FBXL13: variants seen among roughly 807,000 people sequenced by gnomAD.
The protein encoded by FBXL13 is F-box and leucine rich repeat protein 13.
FBXL13 carries 67 observed loss-of-function variants against 83.6 expected under a neutral mutation model. The ratio of observed to expected loss-of-function variants is 0.80; its 90% CI spans 0.66 to 0.98. The LOEUF is 0.98. FBXL13 is among the 50% of genes least tolerant of loss of function. The probability of loss-of-function intolerance (pLI) is 0.00; values close to 1 mark genes in which losing one functional copy is unlikely to be tolerated. For missense variants in FBXL13, 822 were observed against 866.5 expected, an observed-to-expected ratio of 0.95 and a Z score of 0.64; for synonymous variants, 272 against 299.5, an observed-to-expected ratio of 0.91 and a Z score of 0.95.
chr7:103,072,497 T>A (rs576516911), intron 1 of FBXL13, among the ~76,000 whole-genome samples: 4 of 152,134 alleles, frequency 2.6e-5, no homozygotes, highest in Non-Finnish European at 5.9e-5. Flanking sequence ...GAGGGGGAAC[T>A]GGGGACTGCC....
intron 8 of FBXL13, chr7:102,934,301 A>T (rs1819835803): frequency 6.2e-7 from 1 of 1,614,152 alleles, no homozygotes; most frequent in East Asian, 2.2e-5. Context: ...TGGTTTAAAC[A>T]AACTCACCAC....
intron 16 of FBXL13, among the ~76,000 whole-genome samples, chr7:102,862,360 G>GT (rs1361252265): frequency 1.3e-5 from 2 of 150,910 alleles, no homozygotes; most frequent in Non-Finnish European, 1.5e-5. Flanking sequence ...AGAAATGGAC[G>GT]TTTTGGAGGG....
At chr7:103,026,254 T>C (rs755280219) in intron 5 of FBXL13, among the ~76,000 whole-genome samples, 1 of 152,038 alleles carries the variant, frequency 6.6e-6, no homozygotes, top group Non-Finnish European at 1.5e-5. Context: ...TTCTCCTGAC[T>C]CAGCCTCCCA....
chr7:103,044,236 G>A (rs765669083), intron 2 of FBXL13, among the ~76,000 whole-genome samples: 3 of 152,082 alleles, frequency 2.0e-5, no homozygotes, highest in South Asian at 2.1e-4. Flanking sequence ...TAAATAAGTC[G>A]CATGCAGAAA....
At chr7:102,958,888 T>C (rs1188782675) in intron 8 of FBXL13, among the ~76,000 whole-genome samples, 2 of 151,988 alleles carry the variant, frequency 1.3e-5, no homozygotes, top group Non-Finnish European at 2.9e-5. Flanking sequence ...TATATCCACA[T>C]ACAGGATGTA....
intron 11 of FBXL13, among the ~76,000 whole-genome samples, chr7:102,886,805 T>C (rs914351154): frequency 6.6e-6 from 1 of 152,172 alleles, no homozygotes; most frequent in African/African-American, 2.4e-5. Flanking sequence ...GGAATTTTTA[T>C]AGCTATTGAA....
intron 7 of FBXL13, among the ~76,000 whole-genome samples, chr7:102,964,014 T>C (rs992680782): frequency 6.6e-6 from 1 of 152,036 alleles, no homozygotes; most frequent in South Asian, 2.1e-4. Flanking sequence ...TAAATGCAAA[T>C]TGAAACCACA....
chr7:102,875,632 C>A (rs548523633), intron 16 of FBXL13, among the ~76,000 whole-genome samples: 1 of 152,150 alleles, frequency 6.6e-6, no homozygotes, highest in South Asian at 2.1e-4. Context: ...ACGGGAAAAG[C>A]AGAAACAACC....
intron 10 of FBXL13, among the ~76,000 whole-genome samples, chr7:102,926,006 C>A (rs902417425): frequency 6.6e-6 from 1 of 151,410 alleles, no homozygotes; most frequent in Non-Finnish European, 1.5e-5. Context: ...AGCTTGAATG[C>A]CCAGAATGGG....
chr7:103,073,069 T>G (rs1023287069), intron 1 of FBXL13, among the ~76,000 whole-genome samples: 2 of 152,200 alleles, frequency 1.3e-5, no homozygotes, highest in Non-Finnish European at 2.9e-5. Context: ...CAAAACTCAC[T>G]GTAATAAATT....
chr7:102,973,494 C>T (rs186414148), intron 6 of FBXL13: 56 of 762,458 alleles, frequency 7.3e-5, no homozygotes, highest in African/African-American at 5.6e-4. Flanking sequence ...TTGGTGCTGA[C>T]GCCATTTTAG....
intron 16 of FBXL13, among the ~76,000 whole-genome samples, chr7:102,860,865 C>G (rs1017012129): frequency 1.2e-4 from 18 of 151,818 alleles, no homozygotes; most frequent in African/African-American, 4.1e-4. Context: ...ATAAATTCAC[C>G]AATTATAAAC....
intron 6 of FBXL13, among the ~76,000 whole-genome samples, chr7:103,020,193 C>T (rs887119966): frequency 6.6e-6 from 1 of 152,080 alleles, no homozygotes; most frequent in Non-Finnish European, 1.5e-5. Context: ...TAAACATAGT[C>T]CAGCATATAA....
intron 2 of FBXL13, among the ~76,000 whole-genome samples, chr7:103,046,330 A>G (rs113752355): frequency 6.7e-6 from 1 of 149,026 alleles, no homozygotes; most frequent in Non-Finnish European, 1.5e-5. Context: ...TAGGCTTTAC[A>G]TTAGAATCTG....
chr7:103,014,384 C>T (rs2129486825), intron 6 of FBXL13, among the ~76,000 whole-genome samples: 1 of 151,970 alleles, frequency 6.6e-6, no homozygotes, highest in Middle Eastern at 3.4e-3. Context: ...GTAATAAAAG[C>T]CTACCAAACA....
At chr7:103,068,697 A>G (rs1798630284) in intron 1 of FBXL13, among the ~76,000 whole-genome samples, 1 of 152,130 alleles carries the variant, frequency 6.6e-6, no homozygotes, top group African/African-American at 2.4e-5. Context: ...AGAGAAACCA[A>G]TAGGCTTATG....
Position 102,901,673 on chromosome 7 carries a change from A to G in FBXL13, c.1008+11413T>C, listed in dbSNP as rs115342171. On this transcript the variant is annotated intron_variant, in intron 11 of 19. Transcript: ENST00000313221. ...GAGAATATGCAATTTTTTTAAATAC[A>G]TCTCACAAATAAGTGATGGGGGATG... Among the ~76,000 whole-genome samples, 567 of 152,286 alleles carry G rather than the reference A, an allele frequency of 3.7e-3. 5 individuals are homozygous for G. Among genetic ancestry groups the G allele is most frequent in the African/African-American group, 0.013 (560 of 41,554 alleles).
At chr7:102,819,251 A>G (rs995540490) in intron 19 of FBXL13, among the ~76,000 whole-genome samples, 4 of 152,074 alleles carry the variant, frequency 2.6e-5, no homozygotes, top group African/African-American at 9.7e-5. Context: ...CTTCAAATAC[A>G]AATAGCTTGT....
chr7:102,973,961 G>A (rs910306063), intron 6 of FBXL13, among the ~76,000 whole-genome samples: 1 of 152,162 alleles, frequency 6.6e-6, no homozygotes, highest in East Asian at 1.9e-4. Context: ...CAGCGGTGAC[G>A]ATCGCTCCTT....
Sources: gnomAD v4.1 joint callset for allele counts (sites outside exome capture counted in the v4.1 genomes callset) on GRCh38, gnomAD v4.1.1 for gene constraint, MANE v1.5 for transcripts, NCBI Gene and HGNC (gene_info 2026-07-23, HGNC 2026-07-21) for gene names.